Variants in OSBPL1A observed in about 807,000 individuals in gnomAD.
OSBPL1A encodes oxysterol-binding protein-related protein 1.
Under a neutral mutation model 137.1 loss-of-function variants are expected in OSBPL1A, and 80 were observed. The ratio of observed to expected loss-of-function variants is 0.58; its 90% CI spans 0.49 to 0.70. The LOEUF (loss-of-function observed/expected upper bound fraction) is 0.70, where lower values mean the gene tolerates loss of function less well. OSBPL1A is among the 30% of genes least tolerant of loss of function. OSBPL1A has a pLI of 0.00. For missense variants in OSBPL1A, 970 were observed against 1,129.4 expected (o/e 0.86, Z 2.02); for synonymous variants, 365 against 389.7 (o/e 0.94, Z 0.75).
intron 15 of OSBPL1A, among the ~76,000 whole-genome samples, chr18:24,244,827 G>A (rs981434723): frequency 5.3e-5 from 8 of 152,146 alleles, no homozygotes; most frequent in African/African-American, 9.7e-5. Flanking sequence ...AAAGTGCCCC[G>A]TTACTTACCT....
chr18:24,205,526 AATTTT>A (rs755135578), intron 17 of OSBPL1A, among the ~76,000 whole-genome samples: 1 of 152,230 alleles, frequency 6.6e-6, no homozygotes, highest in Non-Finnish European at 1.5e-5. Context: ...GGTCAAATTT[AATTTT>A]ATTTTAAATA....
At chr18:24,272,344 G>C (rs1256344534) in intron 15 of OSBPL1A, 1 of 944,162 alleles carries the variant, frequency 1.1e-6, no homozygotes, top group African/African-American at 1.8e-5. Context: ...ACTTACTCCG[G>C]CTCACGCTGA....
In OSBPL1A at chr18:24,289,418, GTTT is replaced by G. The variant is rs536281272; in HGVS notation, c.1175-8473_1175-8471del. Among the ~76,000 whole-genome samples, 274 of 94,178 alleles carry G rather than the reference GTTT, an allele frequency of 2.9e-3. 1 individual carries two copies. In the East Asian group the frequency reaches 0.039, roughly 13 times the overall value. The allele number at this position is 94,178 out of a possible 152,430, so 61.8% of individuals were successfully genotyped here. On this transcript the variant is annotated intron_variant, in intron 14 of 27. Transcript: ENST00000319481. ...TCCAGACTGTTTATTGTTTTTTCCT[GTTT>G]TTTTTTTTTTTTTTTTTTGAGATGG...
chr18:24,266,598 G>C (rs914648485), intron 15 of OSBPL1A, among the ~76,000 whole-genome samples: 1 of 152,114 alleles, frequency 6.6e-6, no homozygotes, highest in African/African-American at 2.4e-5. Flanking sequence ...GCCAAGCAGT[G>C]GAAACAGGAC....
chr18:24,225,540 G>A (rs2088045742), intron 16 of OSBPL1A, among the ~76,000 whole-genome samples: 1 of 152,134 alleles, frequency 6.6e-6, no homozygotes, highest in Admixed American at 6.6e-5. Context: ...AGCATCTTAA[G>A]TATAACTTCC....
intron 14 of OSBPL1A, among the ~76,000 whole-genome samples, chr18:24,285,361 T>C (rs958775625): frequency 1.3e-5 from 2 of 152,254 alleles, no homozygotes; most frequent in Non-Finnish European, 2.9e-5. Flanking sequence ...GCTTCACTTA[T>C]TATATTTTAC....
intron 15 of OSBPL1A, among the ~76,000 whole-genome samples, chr18:24,256,429 T>C (rs571503322): frequency 6.6e-6 from 1 of 151,776 alleles, no homozygotes; most frequent in Non-Finnish European, 1.5e-5. Context: ...CATCCCTTTA[T>C]GACAAAAACC....
intron 2 of OSBPL1A, among the ~76,000 whole-genome samples, chr18:24,369,906 T>A (rs960506616): frequency 1.3e-5 from 2 of 152,156 alleles, no homozygotes; most frequent in African/African-American, 4.8e-5. Context: ...TGAACAGAAG[T>A]CGTGTGAACC....
chr18:24,277,076 A>C (rs1296074981), intron 15 of OSBPL1A, among the ~76,000 whole-genome samples: 1 of 152,236 alleles, frequency 6.6e-6, no homozygotes, highest in Non-Finnish European at 1.5e-5. Context: ...TTGAAAAATC[A>C]AGAGAGGTAA....
chr18:24,194,343 A>G (rs997530184), intron 18 of OSBPL1A, among the ~76,000 whole-genome samples: 7 of 152,258 alleles, frequency 4.6e-5, no homozygotes, highest in Non-Finnish European at 1.0e-4. Flanking sequence ...TTAATATAAT[A>G]GAAAATACAA....
chr18:24,240,424 T>G (rs1024716813), intron 15 of OSBPL1A, among the ~76,000 whole-genome samples: 1 of 152,194 alleles, frequency 6.6e-6, no homozygotes, highest in African/African-American at 2.4e-5. Context: ...ACAATTCAAG[T>G]CACCTAATCC....
At chr18:24,270,420 A>G (rs567005631) in intron 15 of OSBPL1A, among the ~76,000 whole-genome samples, 1 of 152,344 alleles carries the variant, frequency 6.6e-6, no homozygotes, top group Admixed American at 6.5e-5. Context: ...GGGGGCAAAG[A>G]AATTATACGG....
chr18:24,220,350 C>T (rs2087850126), intron 17 of OSBPL1A, among the ~76,000 whole-genome samples: 1 of 152,214 alleles, frequency 6.6e-6, no homozygotes, highest in African/African-American at 2.4e-5. Context: ...GGCTTGTGTC[C>T]AGCTTGTGAA....
At chr18:24,341,754 T>C in intron 4 of OSBPL1A, 96 bp from the exon 5 acceptor site, 1 of 698,748 alleles carries the variant, frequency 1.4e-6, no homozygotes, top group South Asian at 2.0e-5. Flanking sequence ...GTCTCCACAA[T>C]AGAAAAAAGC....
intron 17 of OSBPL1A, among the ~76,000 whole-genome samples, chr18:24,197,713 T>C (rs545275677): frequency 5.9e-5 from 9 of 152,126 alleles, no homozygotes; most frequent in Non-Finnish European, 8.8e-5. Context: ...CCATTATCTA[T>C]GCTTTGCATG....
intron 17 of OSBPL1A, among the ~76,000 whole-genome samples, chr18:24,206,607 T>C (rs1183326581): frequency 6.6e-6 from 1 of 152,206 alleles, no homozygotes; most frequent in Non-Finnish European, 1.5e-5. Flanking sequence ...TTAAAACTCA[T>C]TCCCATCCAG....
intron 3 of OSBPL1A, 64 bp from the exon 4 acceptor site, chr18:24,367,030 T>A: frequency 7.2e-7 from 1 of 1,383,092 alleles, no homozygotes; most frequent in East Asian, 2.5e-5. Context: ...TCCTTCAAAA[T>A]ATATTAAGGC....
intron 7 of OSBPL1A, among the ~76,000 whole-genome samples, chr18:24,331,500 C>T (rs1339340355): frequency 1.3e-5 from 2 of 151,348 alleles, no homozygotes; most frequent in Non-Finnish European, 2.9e-5. Context: ...GGGTTCACGC[C>T]ATTCTCCTGC....
At chr18:24,347,309 G>A (rs1320275939) in intron 4 of OSBPL1A, among the ~76,000 whole-genome samples, 3 of 151,964 alleles carry the variant, frequency 2.0e-5, no homozygotes, top group East Asian at 3.9e-4. Flanking sequence ...TCTACCTTCC[G>A]AGTAGCTGGG....
Sources: allele counts gnomAD v4.1 joint callset (sites outside exome capture counted in the v4.1 genomes callset), GRCh38; gene constraint gnomAD v4.1.1; transcripts MANE v1.5; gene names NCBI Gene and HGNC (gene_info 2026-07-23, HGNC 2026-07-21).